The following SLC41A3 variants were observed in gnomAD, a reference collection of about 807,000 sequenced individuals.
SLC41A3 encodes the protein solute carrier family 41 member 3.
Under a neutral mutation model 45.4 loss-of-function variants are expected in SLC41A3, and 44 were observed. That is an observed-to-expected ratio of 0.97 (90% CI 0.76 to 1.25). The LOEUF is 1.25. Among genes scored for constraint, SLC41A3 ranks in the 50% most tolerant of loss-of-function variants. The pLI is 0.00. For synonymous variants in SLC41A3, 256 were observed against 252.4 expected (o/e 1.01, Z -0.13); for missense variants, 550 against 600.6 (o/e 0.92, Z 0.88).
At chr3:126,036,188 C>G (rs1942174666) in intron 3 of SLC41A3, among the ~76,000 whole-genome samples, 1 of 152,254 alleles carries the variant, frequency 6.6e-6, no homozygotes, top group Non-Finnish European at 1.5e-5. Flanking sequence ...CTACGTAAAA[C>G]AGCCTGCTTT....
chr3:126,017,502 C>T (rs1226172720), intron 6 of SLC41A3, among the ~76,000 whole-genome samples: 4 of 152,222 alleles, frequency 2.6e-5, no homozygotes, highest in African/African-American at 9.6e-5. Flanking sequence ...TGGGCAGGTG[C>T]TGGATCAGTC....
At chr3:126,061,837 A>G (rs975193135) in intron 2 of SLC41A3, among the ~76,000 whole-genome samples, 1 of 151,996 alleles carries the variant, frequency 6.6e-6, no homozygotes, top group Non-Finnish European at 1.5e-5. Flanking sequence ...GCTGGCTTGA[A>G]CCTCTGCTGT....
chr3:126,059,263 G>GAAAGAAAGAAAGAAAGA (rs5852464), intron 2 of SLC41A3, among the ~76,000 whole-genome samples: 4 of 11,744 alleles, frequency 3.4e-4, no homozygotes, highest in African/African-American at 1.2e-3. Context: ...AAGAAAGAAA[G>GAAAGAAAGAAAGAAAGA]AAGAAAGAAA....
At chr3:126,036,398 T>C (rs1040681559) in intron 3 of SLC41A3, among the ~76,000 whole-genome samples, 2 of 152,176 alleles carry the variant, frequency 1.3e-5, no homozygotes, top group African/African-American at 4.8e-5. Flanking sequence ...AACAGTGAGT[T>C]TGGGGTGTAT....
chr3:126,031,088 T>G (rs962753882), intron 4 of SLC41A3, among the ~76,000 whole-genome samples: 4 of 152,220 alleles, frequency 2.6e-5, no homozygotes, highest in African/African-American at 9.6e-5. Context: ...TGTGTAAAAC[T>G]TTTTATGTTT....
chr3:126,006,987 A>T lies in SLC41A3; in HGVS notation c.*29T>A, dbSNP rs375592741. ...TCCCACTGATGTGAGAGGAAATTCT[A>T]ATGAGCAAATGGGACCAGCGGGGCC... On this transcript the variant is annotated 3_prime_UTR_variant, in exon 11 of 11. Coordinates refer to ENST00000360370, the MANE Select transcript of SLC41A3 (RefSeq NM_017836.4). The T allele has an allele frequency of 1.2e-6, 2 of 1,613,642 alleles. No homozygotes were observed. Among genetic ancestry groups the T allele is most frequent in the Non-Finnish European group, 1.7e-6 (2 of 1,179,668 alleles).
chr3:126,091,927 CAG>C lies in SLC41A3; in HGVS notation c.-79+9500_-79+9501del, dbSNP rs372388263. 1.3e-4 allele frequency among the ~76,000 whole-genome samples: 20 copies of C among 152,306 alleles called. No homozygotes were observed. In the East Asian group the frequency reaches 3.5e-3, roughly 26 times the overall value. ...CTGGTCAGCTGTGCCTGAATCCAAA[CAG>C]AGGGGTGTATAATGAGGCACATCCA... is the stretch of plus-strand genomic sequence containing the variant. On this transcript the variant is annotated intron_variant, in intron 1 of 9. Transcript: ENST00000508835.
At chr3:126,023,836 A>G (rs1354716436) in intron 5 of SLC41A3, 3 of 152,204 alleles carry the variant, frequency 2.0e-5, no homozygotes, top group Non-Finnish European at 4.4e-5. Flanking sequence ...CTCTAAGAAG[A>G]TACTCTGTGT....
At chr3:126,080,937 C>G (rs140273498) in intron 1 of SLC41A3, among the ~76,000 whole-genome samples, 3 of 150,718 alleles carry the variant, frequency 2.0e-5, no homozygotes, top group African/African-American at 7.4e-5. Context: ...GGCAACAGAG[C>G]GAGATTCCAT....
At chr3:126,046,393 T>A (rs1057479597) in intron 3 of SLC41A3, among the ~76,000 whole-genome samples, 26 of 151,514 alleles carry the variant, frequency 1.7e-4, no homozygotes, top group African/African-American at 6.3e-4. Context: ...ATTTTTATAA[T>A]AAATGAATTC....
At chr3:126,069,553 C>T (rs1944518513) in intron 1 of SLC41A3, among the ~76,000 whole-genome samples, 1 of 152,074 alleles carries the variant, frequency 6.6e-6, no homozygotes, top group African/African-American at 2.4e-5. Context: ...ACGTTATATA[C>T]TGTTAAAGGT....
rs77622925 is a variant in SLC41A3 at position 126,022,449 on chromosome 3, G to C, written c.745+337C>G. Among the ~76,000 whole-genome samples the C allele has an allele frequency of 9.3e-4, 142 of 152,344 alleles. 3 individuals are homozygous for C. Among genetic ancestry groups the C allele is most frequent in the Admixed American group, 9.0e-3 (137 of 15,306 alleles). ...ATTTGGTGAGGGCCTTCTTGCTGGC[G>C]GGGACTCTGTGGTCTGGAGGTGGTG... On this transcript the variant is annotated intron_variant, in intron 6 of 10. Transcript: ENST00000360370.
intron 6 of SLC41A3, 75 bp from the exon 7 acceptor site, chr3:126,016,950 A>C (rs1028398808): frequency 6.4e-7 from 1 of 1,571,624 alleles, no homozygotes; most frequent in African/African-American, 1.4e-5. Flanking sequence ...GGGTTTCACA[A>C]ATGAGAGGTG....
chr3:126,049,257 C>CG (rs1286370174), intron 3 of SLC41A3, among the ~76,000 whole-genome samples: 32 of 152,260 alleles, frequency 2.1e-4, no homozygotes, highest in African/African-American at 7.5e-4. Flanking sequence ...GAGGCTGAGG[C>CG]GGGCAGATCA....
Position 126,022,889 on chromosome 3 carries a change from C to T in SLC41A3, c.642G>A (p.Gly214=), listed in dbSNP as rs201633553. ...VCIVIGARKL[G]VNPDNIATPI... ...GCGTGGCAATGTTGTCTGGGTTGAC[C>T]CCGAGCTTTCGAGCACCAATCACTA... Residue 214 remains glycine (G), a synonymous_variant, in exon 6 of 11, where the codon GGG becomes GGA. Coordinates refer to ENST00000360370, the MANE Select transcript of SLC41A3 (RefSeq NM_017836.4). 3.1e-6 allele frequency: 5 copies of T among 1,614,154 alleles called. No homozygotes were observed. The Admixed American group carries it at 6.7e-5, about 22-fold the overall frequency.
chr3:126,068,025 T>G lies in SLC41A3; in HGVS notation c.195A>C (p.Ile65=). The G allele has an allele frequency of 6.2e-7, 1 of 1,613,896 alleles. No homozygotes were observed. Among genetic ancestry groups the G allele is most frequent in the South Asian group, 1.1e-5 (1 of 91,066 alleles). The change falls in exon 2 of 11, where the codon ATA becomes ATC. Residue 65 remains isoleucine, a synonymous_variant. Transcript: ENST00000360370. The part of the protein sequence containing the change: ...TEPSRETTWS[I]GLQVTVPFMF... ...TGAAGGGCACGGTCACCTGAAGGCC[T>G]ATGGACCAGGTGGTCTCCCTGCTAG...
At chr3:126,044,124 A>G (rs193069887) in intron 3 of SLC41A3, among the ~76,000 whole-genome samples, 1 of 152,384 alleles carries the variant, frequency 6.6e-6, no homozygotes, top group East Asian at 1.9e-4. Context: ...CCATGCGAAG[A>G]GTAGCAAAAG....
In SLC41A3 at chr3:126,015,497, A is replaced by T. The variant is rs145669752; in HGVS notation, c.967T>A (p.Cys323Ser). The T allele has an allele frequency of 0.013, 20,479 of 1,614,200 alleles. 229 individuals are homozygous for T. The highest frequency in any genetic ancestry group is 0.034 in the South Asian group (3,139 of 91,082). The change falls in exon 8 of 11, where the codon TGT (cysteine) becomes AGT (serine). Residue 323 changes from cysteine to serine, a missense_variant. Coordinates refer to ENST00000360370, the MANE Select transcript of SLC41A3 (RefSeq NM_017836.4). ...KGMAIFTPVI[C>S]GVGGNLVAIQ... Reference sequence around the variant, plus strand: ...TGGGAACCCTTCAAATACGTACCACATATGACGGGGGTAAATATCGCCATG... The same window carrying T: ...TGGGAACCCTTCAAATACGTACCACTTATGACGGGGGTAAATATCGCCATG...
Position 126,026,278 on chromosome 3 carries a change from G to A in SLC41A3, c.598+57C>T, listed in dbSNP as rs770666197. On this transcript the variant is annotated intron_variant, in intron 5 of 10. Transcript: ENST00000360370. The surrounding 1 kb of genome is among the most constrained non-coding windows in gnomAD (Gnocchi z 4.2). ...AACTGAAAACACAATGAGCTCTGAG[G>A]TGGGACCTCAGAGGAGCAGGGAGCG... The A allele has an allele frequency of 3.8e-5, 58 of 1,546,230 alleles. 1 individual carries two copies. Among genetic ancestry groups the A allele is most frequent in the Non-Finnish European group, 4.9e-5 (56 of 1,143,958 alleles).
Sources: gnomAD v4.1 joint callset for allele counts (sites outside exome capture counted in the v4.1 genomes callset) on GRCh38, gnomAD v4.1.1 for gene constraint, Gnocchi (gnomAD v3.1) non-coding constraint, MANE v1.5 for transcripts, NCBI Gene and HGNC (gene_info 2026-07-23, HGNC 2026-07-21) for gene names.